RPS3: variants seen among roughly 807,000 people sequenced by gnomAD.
RPS3 encodes the protein ribosomal protein S3.
RPS3 carries 2 observed loss-of-function variants against 25.8 expected under a neutral mutation model. The ratio of observed to expected loss-of-function variants is 0.08; its 90% CI spans 0.03 to 0.24. The LOEUF is 0.24. Ranked by LOEUF, RPS3 falls within the 10% of genes least tolerant of loss-of-function variation. RPS3 has a pLI of 1.00. For synonymous variants in RPS3, 114 were observed against 114.2 expected (o/e 1.00, Z 0.01); for missense variants, 107 against 307.1 (o/e 0.35, Z 4.87).
chr11:75,399,754 G>T lies in RPS3; in HGVS notation c.30+177G>T. 3 of 598,756 alleles carry T rather than the reference G, an allele frequency of 5.0e-6. No homozygotes were observed. In the African/African-American group the frequency reaches 5.7e-5, roughly 11 times the overall value. 37.1% of individuals were successfully genotyped at this position (598,756 alleles called of 1,614,324 possible). A position where few individuals can be genotyped will look rare whatever the true frequency, so the allele number is the denominator to read the frequency against. ...TGAGTGAGAGGCCCCAGCCAGGAGG[G>T]CGCTGTGTGGCCGGGTTCCAAGTGA... On this transcript the variant is annotated intron_variant, in intron 1 of 6. Transcript: ENST00000531188.
chr11:75,402,578 A>G (rs1948226977), intron 4 of RPS3, 132 bp downstream of exon 4: 3 of 924,106 alleles, frequency 3.2e-6, no homozygotes, highest in Admixed American at 2.8e-5. Flanking sequence ...ATAATAAGAT[A>G]CTAAGTCATG....
intron 6 of RPS3, among the ~76,000 whole-genome samples, chr11:75,417,595 A>T (rs367773679): frequency 6.6e-6 from 1 of 152,028 alleles, no homozygotes; most frequent in East Asian, 1.9e-4. Flanking sequence ...AGACTCCGTC[A>T]CACACACACA....
chr11:75,407,243 A>T (rs1948298356), downstream of RPS3, among the ~76,000 whole-genome samples: 1 of 152,138 alleles, frequency 6.6e-6, no homozygotes, highest in Non-Finnish European at 1.5e-5. Context: ...GGTTCAAGCC[A>T]TTCTCCAGCC....
At chr11:75,411,613 A>ATC (rs998640467), downstream of RPS3, among the ~76,000 whole-genome samples, 2 of 149,330 alleles carry the variant, frequency 1.3e-5, no homozygotes, top group African/African-American at 5.0e-5. Flanking sequence ...GATGGTCTCG[A>ATC]TCTCCTGACC....
chr11:75,411,622 C>T (rs375779186), downstream of RPS3, among the ~76,000 whole-genome samples: 2 of 150,822 alleles, frequency 1.3e-5, no homozygotes, highest in East Asian at 4.0e-4. Context: ...GATCTCCTGA[C>T]CTCATGATCC....
chr11:75,408,556 G>A (rs903492563), downstream of RPS3, among the ~76,000 whole-genome samples: 1 of 152,124 alleles, frequency 6.6e-6, no homozygotes, highest in African/African-American at 2.4e-5. Context: ...GCTCATGTCT[G>A]TAATCTTTAG....
At chr11:75,405,036 G>C in intron 6 of RPS3, 168 bp downstream of exon 6, 1 of 500,192 alleles carries the variant, frequency 2.0e-6, no homozygotes, top group Non-Finnish European at 3.6e-6. Context: ...TTAACCCTTG[G>C]TTCCAATGGG....
downstream of RPS3, among the ~76,000 whole-genome samples, chr11:75,410,240 C>T (rs1174090801): frequency 4.0e-5 from 6 of 149,774 alleles, no homozygotes; most frequent in Middle Eastern, 3.5e-3. Flanking sequence ...GACGGGGTGG[C>T]TGCTGGACGG....
rs182585116 is a variant in RPS3, at chr11:75,421,575, G to A, written c.*4-152G>A. ...ATCAGGGGCTTGTGCCCCCATTGAC[G>A]TTGGACACCTGACAGATTCAGGTGC... is the stretch of plus-strand genomic sequence containing the variant. On this transcript the variant is annotated intron_variant, in intron 6 of 6. Transcript: ENST00000527446. Among the ~76,000 whole-genome samples the A allele has an allele frequency of 1.4e-4, 21 of 152,332 alleles. No homozygotes were observed. The East Asian group carries it at 2.9e-3, about 21-fold the overall frequency.
intron 6 of RPS3, among the ~76,000 whole-genome samples, chr11:75,413,558 T>C (rs1948374951): frequency 6.6e-6 from 1 of 152,126 alleles, no homozygotes; most frequent in Admixed American, 6.5e-5. Context: ...GCCCAGCCCT[T>C]CTTGTATATT....
Position 75,400,762 on chromosome 11 carries a change from C to T in RPS3, c.99C>T (p.Gly33=), listed in dbSNP as rs1269793832. 1 of 1,613,060 alleles carries T rather than the reference C, an allele frequency of 6.2e-7. No individual in the cohort carries two copies. Among genetic ancestry groups the T allele is most frequent in the Non-Finnish European group, 8.5e-7 (1 of 1,179,892 alleles). ...EFLTRELAED[G]YSGVEVRVTP... ...TTACTCGGGAGCTGGCTGAAGATGG[C>T]TACTCTGGAGTTGAGGTGCGAGTTA... Residue 33 remains glycine, a synonymous_variant, in exon 2 of 7, where the codon GGC becomes GGT. Coordinates refer to ENST00000531188, the MANE Select transcript of RPS3 (RefSeq NM_001005.5).
chr11:75,400,341 A>G, intron 1 of RPS3: 1 of 519,344 alleles, frequency 1.9e-6, no homozygotes, highest in South Asian at 1.4e-5. Context: ...TGAAGTGTAA[A>G]TAGGCCATTA....
downstream of RPS3, among the ~76,000 whole-genome samples, chr11:75,411,794 G>A (rs1948359040): frequency 6.6e-6 from 1 of 152,234 alleles, no homozygotes; most frequent in Admixed American, 6.5e-5. Context: ...CTGTTCAGTA[G>A]AGGAATTAAG....
Position 75,404,279 on chromosome 11 carries a change from T to C in RPS3, c.538+72T>C. 7.3e-7 allele frequency: 1 copy of C among 1,376,098 alleles called. No homozygotes were observed. Among genetic ancestry groups the C allele is most frequent in the South Asian group, 1.3e-5 (1 of 79,298 alleles). 85.2% of individuals were successfully genotyped at this position (1,376,098 alleles called of 1,614,324 possible). ...GGTTTTCCACAGACATCTTAAGTAT[T>C]TGGGGGAGTTTATCATGGAAGTAGC... On this transcript the variant is annotated intron_variant, in intron 5 of 6. Transcript: ENST00000531188. The surrounding 1 kb of genome is among the most constrained non-coding windows in gnomAD (Gnocchi z 4.6).
rs1242865269 is a variant in RPS3 at position 75,404,755 on chromosome 11, G to A, written c.622G>A (p.Val208Met). 3 of 1,613,464 alleles carry A rather than the reference G, an allele frequency of 1.9e-6. No individual in the cohort carries two copies. The highest frequency in any genetic ancestry group is 2.5e-6 in the Non-Finnish European group (3 of 1,180,000). Residue 208 changes from valine (V) to methionine (M), a missense_variant, in exon 6 of 7, where the codon GTG (valine) becomes ATG (methionine). By Grantham distance (21) the Val-to-Met change is conservative. Transcript: ENST00000531188. The surrounding 1 kb of genome is among the most constrained non-coding windows in gnomAD (Gnocchi z 4.6). ...CCCTAAGAAGCCCCTGCCTGACCAC[G>A]TGAGCATTGTGGAACCCAAAGATGA... Reference protein sequence around the residue: ...IGPKKPLPDHVSIVEPKDEIL... With the variant: ...IGPKKPLPDHMSIVEPKDEIL...
chr11:75,399,600 C>G, intron 1 of RPS3, 23 bp downstream of exon 1: 1 of 1,608,810 alleles, frequency 6.2e-7, no homozygotes, highest in Non-Finnish European at 8.5e-7. Flanking sequence ...GGACTGGGTT[C>G]GGAGAACGAC....
At chr11:75,419,732 C>T (rs1948427538) in intron 6 of RPS3, among the ~76,000 whole-genome samples, 1 of 152,062 alleles carries the variant, frequency 6.6e-6, no homozygotes, top group South Asian at 2.1e-4. Flanking sequence ...CTCCCAGGTT[C>T]AAGCAATTCT....
chr11:75,410,718 C>G (rs1405428243), downstream of RPS3, among the ~76,000 whole-genome samples: 1 of 152,132 alleles, frequency 6.6e-6, no homozygotes, highest in Non-Finnish European at 1.5e-5. Flanking sequence ...GTGAACGAGA[C>G]TCCGTCTGCA....
At position 75,402,456 on chromosome 11, in the gene RPS3, C is replaced by T; in HGVS notation, c.350+10C>T. ...GGCTTGCTGTGCGGAGGTAAGTGTC[C>T]TGAGACCTAATGGTCATGACCTTTT... is the stretch of plus-strand genomic sequence containing the variant. On this transcript the variant is annotated intron_variant, in intron 4 of 6. Transcript: ENST00000531188. The T allele has an allele frequency of 1.2e-6, 2 of 1,600,370 alleles. No homozygotes were observed. The highest frequency in any genetic ancestry group is 1.7e-6 in the Non-Finnish European group (2 of 1,169,452).
Sources: gnomAD v4.1 joint callset for allele counts (sites outside exome capture counted in the v4.1 genomes callset) on GRCh38, gnomAD v4.1.1 for gene constraint, Gnocchi (gnomAD v3.1) non-coding constraint, MANE v1.5 for transcripts, NCBI Gene and HGNC (gene_info 2026-07-23, HGNC 2026-07-21) for gene names.